The following MAPK10 variants were observed in gnomAD, a reference collection of about 807,000 sequenced individuals.
MAPK10 encodes the protein JNK3 alpha protein kinase.
MAPK10 carries 25 observed loss-of-function variants against 59.3 expected under a neutral mutation model. That is an observed-to-expected ratio of 0.42 (90% CI 0.31 to 0.59). The LOEUF (loss-of-function observed/expected upper bound fraction) is 0.59. Among genes scored for constraint, MAPK10 ranks in the 20% least tolerant of loss-of-function variants. MAPK10 has a pLI of 0.15. For missense variants in MAPK10, 351 were observed against 568.9 expected, an observed-to-expected ratio of 0.62 and a Z score of 3.90; for synonymous variants, 190 against 200.5, an observed-to-expected ratio of 0.95 and a Z score of 0.44.
intron 4 of MAPK10, among the ~76,000 whole-genome samples, chr4:86,130,000 C>T (rs72662056): frequency 0.18 from 27,206 of 152,042 alleles, 2,547 homozygotes; most frequent in African/African-American, 0.21. Context: ...TGTGCACATG[C>T]GTAGATTCAA....
At chr4:86,028,539 G>A (rs1751479930) in intron 13 of MAPK10, 2 of 152,124 alleles carry the variant, frequency 1.3e-5, no homozygotes, top group Admixed American at 6.5e-5. Flanking sequence ...GGAGTTGAAT[G>A]TAGTTTTTAA....
intron 9 of MAPK10, chr4:86,091,248 A>T (rs1253988665): frequency 1.3e-5 from 2 of 151,344 alleles, no homozygotes; most frequent in Non-Finnish European, 2.9e-5. Flanking sequence ...TATTTATTTT[A>T]AATTTACATA....
At chr4:86,214,994 C>A (rs2087036868) in intron 2 of MAPK10, among the ~76,000 whole-genome samples, 1 of 152,138 alleles carries the variant, frequency 6.6e-6, no homozygotes, top group Non-Finnish European at 1.5e-5. Context: ...AGGACCCACA[C>A]TTCCTGATTT....
intron 1 of MAPK10, among the ~76,000 whole-genome samples, chr4:86,430,603 G>T (rs1246371938): frequency 2.6e-5 from 4 of 152,176 alleles, no homozygotes; most frequent in African/African-American, 9.7e-5. Flanking sequence ...TGCAAGAAAG[G>T]CATATAATCT....
chr4:86,531,122 G>C (rs1757820231), intron 1 of MAPK10, among the ~76,000 whole-genome samples: 1 of 152,186 alleles, frequency 6.6e-6, no homozygotes, highest in African/African-American at 2.4e-5. Context: ...AACATGACCA[G>C]ACCATTTAAA....
In MAPK10 at chr4:86,196,973, T is replaced by C. The variant is rs577266393; in HGVS notation, c.-6-2566A>G. Among the ~76,000 whole-genome samples the C allele has an allele frequency of 8.5e-5, 13 of 152,338 alleles. No individual in the cohort carries two copies. In the South Asian group the frequency reaches 2.5e-3, roughly 29 times the overall value. ...TTTTGGTTACTGTAGCCTTGTAGTA[T>C]AGTTTGAAATCATGTAGCATGATGC... On this transcript the variant is annotated intron_variant, in intron 2 of 13. Transcript: ENST00000641462.
At chr4:86,373,298 TAA>T (rs957475781) in intron 1 of MAPK10, among the ~76,000 whole-genome samples, 1 of 152,072 alleles carries the variant, frequency 6.6e-6, no homozygotes, top group African/African-American at 2.4e-5. Flanking sequence ...CCTAAAACCA[TAA>T]AAACCTTAGA....
intron 2 of MAPK10, among the ~76,000 whole-genome samples, chr4:86,233,432 A>G (rs1049406058): frequency 2.0e-5 from 3 of 152,146 alleles, no homozygotes; most frequent in African/African-American, 7.2e-5. Flanking sequence ...GACTGCCACA[A>G]AGACTCGGCT....
At chr4:86,235,043 T>A (rs1258603075) in intron 2 of MAPK10, among the ~76,000 whole-genome samples, 1 of 152,100 alleles carries the variant, frequency 6.6e-6, no homozygotes, top group Non-Finnish European at 1.5e-5. Context: ...TAAATCATAT[T>A]ATTTGTATAA....
At chr4:86,070,904 C>A (rs919064364) in intron 9 of MAPK10, among the ~76,000 whole-genome samples, 2 of 151,990 alleles carry the variant, frequency 1.3e-5, no homozygotes, top group Non-Finnish European at 2.9e-5. Flanking sequence ...TGGGTATATA[C>A]CCAGTAATGG....
chr4:86,226,963 T>A (rs1365469267), intron 2 of MAPK10, among the ~76,000 whole-genome samples: 3 of 152,212 alleles, frequency 2.0e-5, no homozygotes, highest in Non-Finnish European at 4.4e-5. Flanking sequence ...CTTGGTAACA[T>A]ATTTTCATTG....
At chr4:86,022,409 A>G (rs1747662554) in intron 13 of MAPK10, among the ~76,000 whole-genome samples, 1 of 150,642 alleles carries the variant, frequency 6.6e-6, no homozygotes, top group Non-Finnish European at 1.5e-5. Flanking sequence ...GAGAAAGTTT[A>G]CTCAGCTCCT....
intron 4 of MAPK10, among the ~76,000 whole-genome samples, chr4:86,111,864 G>A (rs1169555384): frequency 6.6e-6 from 1 of 151,652 alleles, no homozygotes; most frequent in Non-Finnish European, 1.5e-5. Flanking sequence ...GCTTTTTTTG[G>A]TTGGTAGGCT....
At chr4:86,285,870 A>G (rs1001932146) in intron 2 of MAPK10, among the ~76,000 whole-genome samples, 1 of 152,202 alleles carries the variant, frequency 6.6e-6, no homozygotes, top group East Asian at 1.9e-4. Context: ...CTGGATAACC[A>G]GGAGCTCCAA....
intron 9 of MAPK10, chr4:86,095,714 G>C (rs894589038): frequency 1.3e-5 from 2 of 151,812 alleles, no homozygotes; most frequent in African/African-American, 2.4e-5. Flanking sequence ...TTGGTAGGAA[G>C]TCCTGTGCAT....
chr4:86,390,596 G>A (rs1203087756), intron 1 of MAPK10, among the ~76,000 whole-genome samples: 1 of 152,206 alleles, frequency 6.6e-6, no homozygotes, highest in African/African-American at 2.4e-5. Context: ...GGAGCTAGAA[G>A]AGACTGCCAG....
intron 1 of MAPK10, among the ~76,000 whole-genome samples, chr4:86,359,288 C>CTGTGTGTGTG (rs1554248575): frequency 2.6e-4 from 25 of 94,616 alleles, no homozygotes; most frequent in African/African-American, 1.2e-3. Flanking sequence ...CTCTCTCTCT[C>CTGTGTGTGTG]TGTGTGTGTG....
intron 9 of MAPK10, among the ~76,000 whole-genome samples, chr4:86,076,674 T>G (rs2049549089): frequency 6.6e-6 from 1 of 152,184 alleles, no homozygotes; most frequent in African/African-American, 2.4e-5. Context: ...AACAATTAAT[T>G]TTATCAATAT....
At position 86,521,762 on chromosome 4, in the gene MAPK10, C is replaced by T. The variant is rs977644961; in HGVS notation, c.-263+72148G>A. ...CACACAGGGCTCTCAGGCTTTGCTG[C>T]TTCCTGCCTGCCCACGCCATCAGCT... On this transcript the variant is annotated intron_variant, in intron 1 of 4. Transcript: ENST00000502302. Among the ~76,000 whole-genome samples, 5 of 152,170 alleles carry T rather than the reference C, an allele frequency of 3.3e-5. No individual in the cohort carries two copies. In the South Asian group the frequency reaches 1.0e-3, roughly 32 times the overall value.
Sources: allele counts gnomAD v4.1 joint callset (sites outside exome capture counted in the v4.1 genomes callset), GRCh38; gene constraint gnomAD v4.1.1; transcripts MANE v1.5; gene names NCBI Gene and HGNC (gene_info 2026-07-23, HGNC 2026-07-21).